CRADD: variants seen among roughly 807,000 people sequenced by gnomAD.
CRADD encodes the protein CARD and death domain containing adaptor protein.
Under a neutral mutation model 15.5 loss-of-function variants are expected in CRADD, and 9 were observed. The observed-to-expected ratio is 0.58, with a 90% CI of 0.35 to 1.01. CRADD has a LOEUF of 1.01. Ranked by LOEUF, CRADD falls within the 50% of genes least tolerant of loss-of-function variation. The pLI, the probability that CRADD is intolerant of heterozygous loss-of-function variation, is 0.02. For missense variants in CRADD, 227 were observed against 250.3 expected (o/e 0.91, Z 0.63); for synonymous variants, 118 against 107.6 (o/e 1.10, Z -0.60).
chr12:93,700,500 T>C (rs1431851743), intron 2 of CRADD, among the ~76,000 whole-genome samples: 1 of 152,076 alleles, frequency 6.6e-6, no homozygotes, highest in Non-Finnish European at 1.5e-5. Flanking sequence ...GCTTGATCTC[T>C]GCTCAGTACA....
intron 2 of CRADD, among the ~76,000 whole-genome samples, chr12:93,886,162 C>CTTTTTTT (rs761719331): frequency 3.2e-5 from 4 of 123,948 alleles, no homozygotes; most frequent in South Asian, 2.6e-4. Context: ...GCTGCTGATG[C>CTTTTTTT]TTTTTTTTTT....
rs1456148016 is a variant in CRADD, at chr12:93,808,276, G to T, written c.299-41694G>T. On this transcript the variant is annotated intron_variant, in intron 2 of 2. Transcript: ENST00000332896. ...TTAATTGACTTCACAGTTCCACATG[G>T]CTGGGGAGGCCTCACAATCATGGCA... Among the ~76,000 whole-genome samples the T allele has an allele frequency of 3.9e-5, 6 of 152,208 alleles. No individual in the cohort carries two copies. The East Asian group carries it at 1.2e-3, about 29-fold the overall frequency.
chr12:93,727,972 C>G (rs1956398946), intron 2 of CRADD, among the ~76,000 whole-genome samples: 1 of 152,114 alleles, frequency 6.6e-6, no homozygotes, highest in Non-Finnish European at 1.5e-5. Context: ...GTGTTTTTCT[C>G]CTGTACTCTC....
intron 2 of CRADD, among the ~76,000 whole-genome samples, chr12:93,870,670 G>A (rs1454437649): frequency 6.6e-6 from 1 of 152,166 alleles, no homozygotes; most frequent in Non-Finnish European, 1.5e-5. Flanking sequence ...GGAGGTTTCA[G>A]GCTGAGATGG....
intron 2 of CRADD, among the ~76,000 whole-genome samples, chr12:93,819,865 C>T (rs1211905976): frequency 1.3e-5 from 2 of 152,214 alleles, no homozygotes; most frequent in African/African-American, 4.8e-5. Context: ...GCAAAGAATA[C>T]TCCAGATTTC....
chr12:93,722,325 G>A (rs1328707195), intron 2 of CRADD, among the ~76,000 whole-genome samples: 2 of 151,982 alleles, frequency 1.3e-5, no homozygotes. Context: ...TATAGTTTTT[G>A]TTGGCATTTA....
intron 2 of CRADD, among the ~76,000 whole-genome samples, chr12:93,750,892 A>C (rs189504906): frequency 1.8e-4 from 28 of 152,318 alleles, no homozygotes; most frequent in African/African-American, 6.7e-4. Context: ...TAAACATTTT[A>C]CTTACAGAAA....
intron 2 of CRADD, among the ~76,000 whole-genome samples, chr12:93,728,618 A>G (rs1592936580): frequency 6.6e-6 from 1 of 152,228 alleles, no homozygotes; most frequent in East Asian, 1.9e-4. Context: ...CAAGTATTAA[A>G]ACATAAAATA....
chr12:93,745,626 A>G (rs113908391), intron 2 of CRADD, among the ~76,000 whole-genome samples: 1,699 of 152,320 alleles, frequency 0.011, 25 homozygotes, highest in Non-Finnish European at 0.019. Context: ...TGATAATCCA[A>G]TCTTAGCCAT....
At chr12:93,717,226 C>T (rs1221534639) in intron 2 of CRADD, among the ~76,000 whole-genome samples, 1 of 152,070 alleles carries the variant, frequency 6.6e-6, no homozygotes, top group East Asian at 1.9e-4. Context: ...TCAAGTTGTT[C>T]ATTTTCTTGT....
chr12:93,828,721 C>CA (rs1593024520), intron 2 of CRADD, among the ~76,000 whole-genome samples: 1 of 152,222 alleles, frequency 6.6e-6, no homozygotes, highest in Admixed American at 6.5e-5. Context: ...TACCCACTGT[C>CA]AATTTCTATA....
intron 2 of CRADD, chr12:93,836,304 AT>A (rs1174479369): frequency 1.3e-5 from 2 of 152,154 alleles, no homozygotes; most frequent in African/African-American, 4.8e-5. Context: ...GAAGGTAGGA[AT>A]TGGAAAGTGG....
At chr12:93,800,202 C>T (rs545981063) in intron 2 of CRADD, among the ~76,000 whole-genome samples, 6 of 151,900 alleles carry the variant, frequency 3.9e-5, no homozygotes, top group Admixed American at 1.3e-4. Context: ...GTGTGTGTGT[C>T]GGGGTAGGGA....
intron 2 of CRADD, among the ~76,000 whole-genome samples, chr12:93,884,277 G>A (rs1302767534): frequency 6.6e-6 from 1 of 152,170 alleles, no homozygotes; most frequent in Admixed American, 6.5e-5. Flanking sequence ...GAAGCTGTAA[G>A]GCCTAAGCAG....
chr12:93,825,159 G>A (rs1957810237), intron 2 of CRADD, among the ~76,000 whole-genome samples: 1 of 152,064 alleles, frequency 6.6e-6, no homozygotes, highest in South Asian at 2.1e-4. Flanking sequence ...AGATGTCTCT[G>A]GTATCTGCAT....
intron 2 of CRADD, among the ~76,000 whole-genome samples, chr12:93,725,372 G>A (rs1333433442): frequency 1.3e-5 from 2 of 152,140 alleles, no homozygotes; most frequent in African/African-American, 4.8e-5. Flanking sequence ...ATACTCCCTA[G>A]ATATACAGTT....
chr12:93,703,287 G>A (rs1955875756), intron 2 of CRADD, among the ~76,000 whole-genome samples: 1 of 151,782 alleles, frequency 6.6e-6, no homozygotes, highest in South Asian at 2.1e-4. Flanking sequence ...CAAATCAGTT[G>A]ATGAAGTCTC....
At chr12:93,679,322 AGTAGAGATGGG>A (rs1482917053) in intron 2 of CRADD, among the ~76,000 whole-genome samples, 38 of 151,970 alleles carry the variant, frequency 2.5e-4, no homozygotes, top group Admixed American at 2.5e-3. Flanking sequence ...TTGTATTTTT[AGTAGAGATGGG>A]GTTTCATCAT....
intron 2 of CRADD, among the ~76,000 whole-genome samples, chr12:93,705,542 T>G (rs1955928498): frequency 6.6e-6 from 1 of 152,214 alleles, no homozygotes; most frequent in African/African-American, 2.4e-5. Flanking sequence ...GCTTTTGCAT[T>G]AGCATTGAGC....
Sources: gnomAD v4.1 joint callset for allele counts (sites outside exome capture counted in the v4.1 genomes callset) on GRCh38, gnomAD v4.1.1 for gene constraint, MANE v1.5 for transcripts, NCBI Gene and HGNC (gene_info 2026-07-23, HGNC 2026-07-21) for gene names.